Variants in PTPN13 observed in about 807,000 individuals in gnomAD.
PTPN13 encodes the protein protein tyrosine phosphatase non-receptor type 13.
A neutral mutation model predicts 284.0 loss-of-function variants in PTPN13; 191 were observed. That is an observed-to-expected ratio of 0.67 (90% CI 0.60 to 0.76). The LOEUF (loss-of-function observed/expected upper bound fraction) is 0.76, where lower values mean the gene tolerates loss of function less well. Ranked by LOEUF, PTPN13 falls within the 30% of genes least tolerant of loss-of-function variation. The probability of loss-of-function intolerance (pLI) is 0.00; values close to 1 mark genes in which losing one functional copy is unlikely to be tolerated. For synonymous variants in PTPN13, 986 were observed against 1,022.3 expected, an observed-to-expected ratio of 0.96 and a Z score of 0.68; for missense variants, 2,797 against 2,939.9, an observed-to-expected ratio of 0.95 and a Z score of 1.12.
intron 7 of PTPN13, among the ~76,000 whole-genome samples, chr4:86,702,083 G>T (rs746610077): frequency 6.6e-6 from 1 of 152,154 alleles, no homozygotes; most frequent in African/African-American, 2.4e-5. Context: ...GCTTCTCAAA[G>T]GCAGGAGGCA....
chr4:86,650,701 T>C lies in PTPN13; in HGVS notation c.115+15330T>C, dbSNP rs146471697. Among the ~76,000 whole-genome samples the C allele has an allele frequency of 5.6e-3, 856 of 152,342 alleles. 6 individuals carry two copies. The highest frequency in any genetic ancestry group is 0.018 in the African/African-American group (761 of 41,574). ...GTAGCACTTGTAAATGGAATTACTT[T>C]CTTAATTTCTTTGTCATATTGTTTG... On this transcript the variant is annotated intron_variant, in intron 2 of 47. Coordinates refer to ENST00000411767, the MANE Select transcript of PTPN13 (RefSeq NM_080683.3).
At chr4:86,681,724 T>A (rs1460503066) in intron 3 of PTPN13, among the ~76,000 whole-genome samples, 2 of 152,048 alleles carry the variant, frequency 1.3e-5, no homozygotes, top group Non-Finnish European at 2.9e-5. Flanking sequence ...GGTCAGGAGT[T>A]CAAGACCAGC....
At chr4:86,675,014 T>C (rs1269687409) in intron 3 of PTPN13, among the ~76,000 whole-genome samples, 1 of 152,152 alleles carries the variant, frequency 6.6e-6, no homozygotes, top group Admixed American at 6.5e-5. Context: ...AAAAAGTGCT[T>C]AGTAGAAATT....
At chr4:86,740,821 A>G (rs1466816890) in intron 15 of PTPN13, among the ~76,000 whole-genome samples, 1 of 152,054 alleles carries the variant, frequency 6.6e-6, no homozygotes, top group Admixed American at 6.6e-5. Context: ...CTGCTTAGAA[A>G]TTTCTTCCAC....
chr4:86,745,040 C>A lies in PTPN13; in HGVS notation c.2562C>A (p.Cys854Ter). The change falls in exon 17 of 48, where the codon TGC becomes TGA. Residue 854 changes from cysteine (C) to a stop codon, truncating the protein, a stop_gained. Coordinates refer to ENST00000411767, the MANE Select transcript of PTPN13 (RefSeq NM_080683.3). LOFTEE classifies it high-confidence loss of function. ...TCCAGACAGACAACAGTAAGATATG[C>A]CAGTACCTGCTGCACCTCTGCTCTT... ...HGFQTDNSKI[C>*]QYLLHLCSYQ... 1 of 1,608,440 alleles carries A rather than the reference C, an allele frequency of 6.2e-7. No individual in the cohort carries two copies. Among genetic ancestry groups the A allele is most frequent in the Non-Finnish European group, 8.5e-7 (1 of 1,177,236 alleles).
At chr4:86,680,867 C>T (rs1728828775) in intron 3 of PTPN13, among the ~76,000 whole-genome samples, 1 of 152,164 alleles carries the variant, frequency 6.6e-6, no homozygotes, top group Non-Finnish European at 1.5e-5. Flanking sequence ...TTCAGGTTTC[C>T]ACATCCTGTG....
chr4:86,784,628 G>T lies in PTPN13; in HGVS notation c.6118+70G>T, dbSNP rs1578663950. ...AATTCAGGTAATTAAAAAAAAATAG[G>T]TATCCTCTTTTCTTTGCTTTATATG... On this transcript the variant is annotated intron_variant, in intron 38 of 47. Coordinates refer to ENST00000411767, the MANE Select transcript of PTPN13 (RefSeq NM_080683.3). 13 of 981,184 alleles carry T rather than the reference G, an allele frequency of 1.3e-5. No homozygotes were observed. The South Asian group carries it at 1.8e-4, about 14-fold the overall frequency. 60.8% of individuals were successfully genotyped at this position (981,184 alleles called of 1,614,324 possible). A position where few individuals can be genotyped will look rare whatever the true frequency, so the allele number is the denominator to read the frequency against.
rs761407918 is a variant in PTPN13 at position 86,775,634 on chromosome 4, T to A, written c.5873T>A (p.Leu1958Ter). Reference protein sequence around the residue: ...NRALDMSLPSLVLKATRNDLP... With the variant: ...NRALDMSLPS The stretch of plus-strand genomic sequence containing the variant: ...GCATTAGACATGTCACTTCCTTCAT[T>A]GGTATTGAAAGCAACAAGGTACTCT... Residue 1958 changes from leucine to a stop codon, truncating the protein, a stop_gained, in exon 35 of 48, where the codon TTG becomes TAG. Transcript: ENST00000411767. LOFTEE classifies it high-confidence loss of function. 1.2e-6 allele frequency: 2 copies of A among 1,611,782 alleles called. No homozygotes were observed. The highest frequency in any genetic ancestry group is 2.2e-5 in the South Asian group (2 of 90,538).
intron 7 of PTPN13, among the ~76,000 whole-genome samples, chr4:86,714,056 T>G (rs1732725496): frequency 6.7e-6 from 1 of 149,994 alleles, no homozygotes; most frequent in African/African-American, 2.5e-5. Flanking sequence ...CAGGGTCTCC[T>G]TTCTTCAGTG....
chr4:86,740,311 C>T (rs1433779329), intron 15 of PTPN13, among the ~76,000 whole-genome samples: 1 of 152,216 alleles, frequency 6.6e-6, no homozygotes, highest in African/African-American at 2.4e-5. Flanking sequence ...CATACATCCT[C>T]TGAAATCTAG....
chr4:86,670,340 A>G (rs1418231816), intron 2 of PTPN13, among the ~76,000 whole-genome samples: 2 of 150,586 alleles, frequency 1.3e-5, no homozygotes, highest in Non-Finnish European at 3.0e-5. Flanking sequence ...TCTTAAATGT[A>G]ATAGGTTCCA....
chr4:86,787,091 G>A (rs1438943051), intron 40 of PTPN13, among the ~76,000 whole-genome samples: 2 of 150,024 alleles, frequency 1.3e-5, no homozygotes, highest in Non-Finnish European at 3.0e-5. Flanking sequence ...GCAATGGAGC[G>A]AGACTCAGTC....
rs539162204 is a variant in PTPN13, at chr4:86,762,928, A to G, written c.3755A>G (p.Glu1252Gly). 17 of 1,613,978 alleles carry G rather than the reference A, an allele frequency of 1.1e-5. No homozygotes were observed. In the South Asian group the frequency reaches 1.9e-4, roughly 18 times the overall value. The change falls in exon 24 of 48, where the codon GAG (glutamate) becomes GGG (glycine). Residue 1252 changes from glutamate to glycine, a missense_variant. Glu to Gly is a moderately conservative substitution (Grantham distance 98). Transcript: ENST00000411767. Reference sequence around the variant, plus strand: ...CTGAGTTCTCAAGATTCCAGGACTGAGAGTGCCAGCTTGTCTCAAAGCCAG... The same window carrying G: ...CTGAGTTCTCAAGATTCCAGGACTGGGAGTGCCAGCTTGTCTCAAAGCCAG... ...GSLSSQDSRT[E>G]SASLSQSQVN...
At chr4:86,748,625 T>C (rs2049896358) in intron 17 of PTPN13, among the ~76,000 whole-genome samples, 1 of 152,180 alleles carries the variant, frequency 6.6e-6, no homozygotes, top group Non-Finnish European at 1.5e-5. Flanking sequence ...TTATTTGCTC[T>C]AATAAAAACT....
intron 1 of PTPN13, among the ~76,000 whole-genome samples, chr4:86,614,765 T>C (rs1381172754): frequency 6.6e-6 from 1 of 152,116 alleles, no homozygotes; most frequent in East Asian, 1.9e-4. Context: ...TATTGTTGAT[T>C]TTGGAAATAA....
chr4:86,790,632 A>T (rs977398558), intron 40 of PTPN13, among the ~76,000 whole-genome samples: 9 of 152,124 alleles, frequency 5.9e-5, no homozygotes, highest in Non-Finnish European at 1.2e-4. Context: ...ACAATGCTGA[A>T]TTTTTTAGTA....
rs200887432 is a variant in PTPN13, at chr4:86,746,625, G to GT, written c.2650+1506dup. On this transcript the variant is annotated intron_variant, in intron 17 of 47. Transcript: ENST00000411767. ...ACTTTAACAGGCTTTCCTCAGTAAT[G>GT]TTTTTTTTTGTTTTGTTTTTTCTTT... 4.3e-3 allele frequency among the ~76,000 whole-genome samples: 648 copies of GT among 151,116 alleles called. 1 individual carries two copies. Among genetic ancestry groups the GT allele is most frequent in the African/African-American group, 0.014 (589 of 41,216 alleles).
At chr4:86,761,056 A>G (rs953743801) in intron 23 of PTPN13, among the ~76,000 whole-genome samples, 1 of 149,460 alleles carries the variant, frequency 6.7e-6, no homozygotes, top group East Asian at 1.9e-4. Flanking sequence ...AAGTCCCCTT[A>G]CCCCATTTCC....
In PTPN13 at chr4:86,673,439, A is replaced by G. The variant is rs1218009726; in HGVS notation, c.294+896A>G. Among the ~76,000 whole-genome samples the G allele has an allele frequency of 3.3e-5, 5 of 152,316 alleles. No individual in the cohort carries two copies. The East Asian group carries it at 7.7e-4, about 24-fold the overall frequency. Reference sequence around the variant, plus strand: ...AATGACAAGAGGTAAGAAATTGTCCACTGTGATTGGGGAATGGTTGGTTAG... The same window carrying G: ...AATGACAAGAGGTAAGAAATTGTCCGCTGTGATTGGGGAATGGTTGGTTAG... On this transcript the variant is annotated intron_variant, in intron 3 of 47. Transcript: ENST00000411767.
Sources: allele counts gnomAD v4.1 joint callset (sites outside exome capture counted in the v4.1 genomes callset), GRCh38; gene constraint gnomAD v4.1.1; transcripts MANE v1.5; gene names NCBI Gene and HGNC (gene_info 2026-07-23, HGNC 2026-07-21).